NTM: variants seen among roughly 807,000 people sequenced by gnomAD.
The protein encoded by NTM is IgLON family member 2.
In NTM, 13 loss-of-function variants were observed where a neutral mutation model predicts 42.1. That is an observed-to-expected ratio of 0.31 (90% CI 0.20 to 0.49). The LOEUF is 0.49. Among genes scored for constraint, NTM ranks in the 20% least tolerant of loss-of-function variants. The pLI is 0.99. For missense variants in NTM, 373 were observed against 452.8 expected, an observed-to-expected ratio of 0.82 and a Z score of 1.60; for synonymous variants, 187 against 179.2, an observed-to-expected ratio of 1.04 and a Z score of -0.35.
At chr11:132,297,659 C>T (rs981588373) in intron 4 of NTM, among the ~76,000 whole-genome samples, 4 of 152,182 alleles carry the variant, frequency 2.6e-5, no homozygotes, top group African/African-American at 9.7e-5. Flanking sequence ...CTCTGCTTCC[C>T]CGTGGAGTGA....
At chr11:131,789,789 TACTA>T (rs2090601368) in intron 1 of NTM, among the ~76,000 whole-genome samples, 1 of 95,078 alleles carries the variant, frequency 1.1e-5, no homozygotes, top group African/African-American at 3.9e-5. Context: ...ACCCCGTCTC[TACTA>T]AAAATACAAA....
At chr11:131,636,426 G>A (rs901343777) in intron 1 of NTM, among the ~76,000 whole-genome samples, 13 of 152,168 alleles carry the variant, frequency 8.5e-5, no homozygotes, top group African/African-American at 3.1e-4. Flanking sequence ...AACCAAATGA[G>A]CTCTCCCTAT....
At chr11:132,241,567 A>C (rs1007132426) in intron 4 of NTM, among the ~76,000 whole-genome samples, 5 of 152,204 alleles carry the variant, frequency 3.3e-5, no homozygotes. Flanking sequence ...TCGTAAACAC[A>C]AACAGCACCC....
intron 1 of NTM, among the ~76,000 whole-genome samples, chr11:131,839,617 A>G (rs1385213124): frequency 4.6e-5 from 7 of 152,222 alleles, no homozygotes; most frequent in Non-Finnish European, 1.5e-5. Context: ...ATAGGTCACC[A>G]TAAGAACACA....
At chr11:132,085,358 C>T (rs1261238391) in intron 2 of NTM, among the ~76,000 whole-genome samples, 1 of 152,134 alleles carries the variant, frequency 6.6e-6, no homozygotes, top group Non-Finnish European at 1.5e-5. Flanking sequence ...AAGTTTTACT[C>T]CTTCTTGCAT....
chr11:131,746,347 G>A (rs755071509), intron 1 of NTM, among the ~76,000 whole-genome samples: 3 of 152,102 alleles, frequency 2.0e-5, no homozygotes, highest in Admixed American at 6.6e-5. Context: ...TTTCAACGCC[G>A]GAAAAGTAAA....
At chr11:131,708,315 C>T (rs1007672516) in intron 1 of NTM, among the ~76,000 whole-genome samples, 6 of 152,184 alleles carry the variant, frequency 3.9e-5, no homozygotes, top group Admixed American at 3.3e-4. Context: ...TAACAAACTT[C>T]TAATCACTTT....
In NTM at chr11:132,145,989, G is replaced by A. The variant is rs117658057; in HGVS notation, c.168-293G>A. ...AGCAAAGGGAGAACTGGTAGTATTC[G>A]AAGTATCCAGCCATCCTGGGCATGC... On this transcript the variant is annotated intron_variant, in intron 2 of 8. Coordinates refer to ENST00000683400, the MANE Select transcript of NTM (RefSeq NM_001352005.2). 1.2e-3 allele frequency among the ~76,000 whole-genome samples: 181 copies of A among 152,284 alleles called. 1 individual carries two copies. The highest frequency in any genetic ancestry group is 8.3e-3 in the South Asian group (40 of 4,826).
chr11:132,089,727 C>T (rs564239253), intron 2 of NTM, among the ~76,000 whole-genome samples: 10 of 152,266 alleles, frequency 6.6e-5, no homozygotes, highest in Admixed American at 1.3e-4. Context: ...AGTGATTTCA[C>T]CATTTTCCAC....
At chr11:131,723,338 T>A (rs543730035) in intron 1 of NTM, among the ~76,000 whole-genome samples, 1 of 152,294 alleles carries the variant, frequency 6.6e-6, no homozygotes, top group East Asian at 1.9e-4. Flanking sequence ...CAAGGATCAG[T>A]TACTACAGAT....
chr11:132,094,307 C>G (rs2060706123), intron 2 of NTM, among the ~76,000 whole-genome samples: 1 of 152,142 alleles, frequency 6.6e-6, no homozygotes, highest in Non-Finnish European at 1.5e-5. Flanking sequence ...AGTTGGCAAG[C>G]TGGATTTCTG....
intron 2 of NTM, among the ~76,000 whole-genome samples, chr11:131,913,296 A>G (rs938427400): frequency 6.6e-6 from 1 of 152,128 alleles, no homozygotes; most frequent in Non-Finnish European, 1.5e-5. Flanking sequence ...AGGGACAGAG[A>G]CATTCTGAAT....
At chr11:131,431,231 G>A (rs965048979) in intron 1 of NTM, among the ~76,000 whole-genome samples, 6 of 152,144 alleles carry the variant, frequency 3.9e-5, no homozygotes, top group Admixed American at 1.3e-4. Context: ...GGCAGTGGGA[G>A]AGGAAAGGAA....
intron 2 of NTM, among the ~76,000 whole-genome samples, chr11:131,962,929 G>T (rs1274574135): frequency 6.6e-6 from 1 of 152,150 alleles, no homozygotes; most frequent in African/African-American, 2.4e-5. Flanking sequence ...GGATAGTGAA[G>T]ATCCTTACTC....
chr11:132,256,641 T>A (rs1186752781), intron 4 of NTM, among the ~76,000 whole-genome samples: 1 of 151,932 alleles, frequency 6.6e-6, no homozygotes, highest in Non-Finnish European at 1.5e-5. Context: ...TTGATTTTTT[T>A]TTTTTTTTTC....
At chr11:132,062,002 C>G (rs1017505014) in intron 2 of NTM, among the ~76,000 whole-genome samples, 3 of 152,120 alleles carry the variant, frequency 2.0e-5, no homozygotes, top group African/African-American at 7.2e-5. Flanking sequence ...ACATCTTCCA[C>G]TAACCATGCA....
chr11:132,077,509 C>T (rs1009509992), intron 2 of NTM, among the ~76,000 whole-genome samples: 7 of 152,064 alleles, frequency 4.6e-5, no homozygotes, highest in Non-Finnish European at 8.8e-5. Flanking sequence ...TTTCTTCAAC[C>T]CCCACTATCT....
intron 1 of NTM, among the ~76,000 whole-genome samples, chr11:131,620,581 C>T (rs924249997): frequency 3.3e-5 from 5 of 152,192 alleles, no homozygotes; most frequent in African/African-American, 7.2e-5. Flanking sequence ...CCCTCAAACA[C>T]ACCAGGCATA....
At chr11:131,470,787 G>T (rs969588672) in intron 1 of NTM, among the ~76,000 whole-genome samples, 1 of 152,188 alleles carries the variant, frequency 6.6e-6, no homozygotes, top group Non-Finnish European at 1.5e-5. Context: ...GGGGAAGGGA[G>T]AGGTGAGAGA....
Sources: gnomAD v4.1 joint callset for allele counts (sites outside exome capture counted in the v4.1 genomes callset) on GRCh38, gnomAD v4.1.1 for gene constraint, MANE v1.5 for transcripts, NCBI Gene and HGNC (gene_info 2026-07-23, HGNC 2026-07-21) for gene names.